TRAPPC2L: variants seen among roughly 807,000 people sequenced by gnomAD.
TRAPPC2L encodes the protein trafficking protein particle complex subunit 2-like protein.
A neutral mutation model predicts 13.2 loss-of-function variants in TRAPPC2L; 17 were observed. That is an observed-to-expected ratio of 1.29 (90% CI 0.88 to 1.93). TRAPPC2L has a LOEUF of 1.93. Among genes scored for constraint, TRAPPC2L ranks in the 30% most tolerant of loss-of-function variants. The pLI is 0.00. For synonymous variants in TRAPPC2L, 150 were observed against 98.1 expected (o/e 1.53, Z -3.12); for missense variants, 359 against 252.1 (o/e 1.42, Z -2.87).
upstream of TRAPPC2L, chr16:88,856,286 G>A (rs1240246412): frequency 8.5e-6 from 6 of 702,872 alleles, no homozygotes; most frequent in Non-Finnish European, 1.6e-5. Flanking sequence ...GCGGCCCGAG[G>A]TGGCGGGAGT....
upstream of TRAPPC2L, chr16:88,856,365 A>G (rs1967879975): frequency 1.4e-6 from 1 of 701,558 alleles, no homozygotes; most frequent in East Asian, 2.7e-5. Flanking sequence ...TGGGGAGGCC[A>G]CGCTGCGCGC....
At chr16:88,856,790 G>A (rs867190421), upstream of TRAPPC2L, 9 of 1,542,904 alleles carry the variant, frequency 5.8e-6, no homozygotes, top group East Asian at 1.2e-4. Context: ...ATGTTGGGGG[G>A]CTGCGGGGCG....
chr16:88,861,842 A>G, exon 4 of TRAPPC2L: 1 of 339,734 alleles, frequency 2.9e-6, no homozygotes, highest in Non-Finnish European at 5.9e-6. Flanking sequence ...AGGGGGGGTC[A>G]GCCTAGGGCA....
upstream of TRAPPC2L, chr16:88,856,801 C>T (rs1210023208): frequency 6.5e-7 from 1 of 1,540,234 alleles, no homozygotes; most frequent in Admixed American, 1.9e-5. Flanking sequence ...CTGCGGGGCG[C>T]CCGAGGCCCC....
At chr16:88,861,733 G>A in exon 4 of TRAPPC2L, 2 of 459,388 alleles carry the variant, frequency 4.4e-6, no homozygotes, top group Non-Finnish European at 8.8e-6. Flanking sequence ...AGCCCGCTGA[G>A]GGGACCCCCC....
chr16:88,861,431 C>T, exon 4 of TRAPPC2L: 1 of 347,462 alleles, frequency 2.9e-6, no homozygotes, highest in South Asian at 2.1e-5. Flanking sequence ...CCTCCTCTTT[C>T]TGGACTTGGC....
At chr16:88,859,224 C>T (rs575765703) in intron 2 of TRAPPC2L, 6 of 513,154 alleles carry the variant, frequency 1.2e-5, no homozygotes, top group African/African-American at 3.8e-5. Flanking sequence ...ATTCAAAGAC[C>T]TTCCCAAAAG....
At chr16:88,857,208 C>A in intron 1 of TRAPPC2L, 25 bp downstream of exon 1, 1 of 1,546,412 alleles carries the variant, frequency 6.5e-7, no homozygotes, top group South Asian at 1.2e-5. Context: ...CGTGGGGCGT[C>A]CGGGCTCGCA....
chr16:88,861,677 T>C (rs766037468), exon 4 of TRAPPC2L: 6 of 489,112 alleles, frequency 1.2e-5, no homozygotes, highest in South Asian at 9.1e-5. Context: ...GAGCCCATAG[T>C]GGCGTCAGTG....
At chr16:88,858,468 C>T (rs1968135576) in intron 1 of TRAPPC2L, 151 bp from the exon 2 acceptor site, 1 of 757,334 alleles carries the variant, frequency 1.3e-6, no homozygotes, top group Non-Finnish European at 2.1e-6. Flanking sequence ...AAGGCAGTGC[C>T]CACTGCGGCA....
exon 4 of TRAPPC2L, chr16:88,860,156 C>G (rs1324160954): frequency 1.4e-6 from 1 of 714,472 alleles, no homozygotes; most frequent in African/African-American, 1.7e-5. Flanking sequence ...AACTCTTACA[C>G]AGATCTCCAG....
At chr16:88,856,786 G>C (rs771296544), upstream of TRAPPC2L, 2 of 1,543,384 alleles carry the variant, frequency 1.3e-6, no homozygotes, top group Non-Finnish European at 1.7e-6. Flanking sequence ...CAGGATGTTG[G>C]GGGGCTGCGG....
exon 4 of TRAPPC2L, chr16:88,860,982 G>A (rs370268135): frequency 7.0e-6 from 11 of 1,574,066 alleles, no homozygotes; most frequent in African/African-American, 5.4e-5. Flanking sequence ...GCCAGCCATC[G>A]CAGAGGAGCC....
chr16:88,858,095 G>C lies in TRAPPC2L; in HGVS notation c.34-524G>C, dbSNP rs1036922315. Among the ~76,000 whole-genome samples, 7 of 152,384 alleles carry C rather than the reference G, an allele frequency of 4.6e-5. No homozygotes were observed. The East Asian group carries it at 1.3e-3, about 29-fold the overall frequency. The stretch of plus-strand genomic sequence containing the variant: ...CAGGACCCAGTGCTGAACACACACA[G>C]GGTAAATGGTGGTGTGTGAAAGACC... On this transcript the variant is annotated intron_variant, in intron 1 of 3. Transcript: ENST00000565504.
At chr16:88,857,006 G>A (rs532377524), upstream of TRAPPC2L, 9 of 1,388,560 alleles carry the variant, frequency 6.5e-6, no homozygotes, top group African/African-American at 9.1e-5. Flanking sequence ...CAGAGTCCGC[G>A]GAGGGACGGG....
intron 3 of TRAPPC2L, 52 bp from the exon 4 acceptor site, chr16:88,859,841 G>T (rs1968249555): frequency 1.3e-6 from 2 of 1,582,332 alleles, no homozygotes; most frequent in South Asian, 2.3e-5. Flanking sequence ...CTAAAAATCT[G>T]GCAGTGGCTG....
At chr16:88,856,664 C>A (rs1192215722), upstream of TRAPPC2L, 2 of 400,112 alleles carry the variant, frequency 5.0e-6, no homozygotes, top group Non-Finnish European at 9.6e-6. Context: ...TCCCCCCACC[C>A]CGCCCGCCCT....
At chr16:88,856,951 C>T, upstream of TRAPPC2L, 1 of 1,442,040 alleles carries the variant, frequency 6.9e-7, no homozygotes, top group Admixed American at 2.8e-5. Context: ...TCCGGCTGGG[C>T]TGCGGGGCGG....
exon 4 of TRAPPC2L, chr16:88,860,833 G>A (rs1361215638): frequency 6.8e-7 from 1 of 1,466,104 alleles, no homozygotes; most frequent in Non-Finnish European, 9.3e-7. Context: ...CCTGTGGATG[G>A]AGCCATGCTG....
Sources: allele counts gnomAD v4.1 joint callset (sites outside exome capture counted in the v4.1 genomes callset), GRCh38; gene constraint gnomAD v4.1.1; transcripts MANE v1.5; gene names NCBI Gene and HGNC (gene_info 2026-07-23, HGNC 2026-07-21).